Variants in USP14 observed in about 807,000 individuals in gnomAD.
The protein encoded by USP14 is ubiquitin specific peptidase 14, also known as ubiquitin carboxyl-terminal hydrolase 14.
In USP14, 38 loss-of-function variants were observed where a neutral mutation model predicts 76.5. That is an observed-to-expected ratio of 0.50 (90% CI 0.38 to 0.65). The LOEUF is 0.65. Ranked by LOEUF, USP14 falls within the 30% of genes least tolerant of loss-of-function variation. USP14 has a pLI of 0.00. For synonymous variants in USP14, 192 were observed against 191.7 expected (o/e 1.00, Z -0.01); for missense variants, 467 against 586.5 (o/e 0.80, Z 2.10).
Position 166,896 on chromosome 18 carries a change from T to C in USP14, c.195+77T>C. 4 of 1,342,554 alleles carry C rather than the reference T, an allele frequency of 3.0e-6. No homozygotes were observed. In the South Asian group the frequency reaches 5.1e-5, roughly 17 times the overall value. The allele number at this position is 1,342,554 out of a possible 1,614,324, so 83.2% of individuals were successfully genotyped here. On this transcript the variant is annotated intron_variant, in intron 3 of 15. Transcript: ENST00000261601. ...ACCAAAATACATTCCAGATGACTTT[T>C]TTTCATGTGTATATCCAGTTGTTCC... is the stretch of plus-strand genomic sequence containing the variant.
At position 213,277 on chromosome 18, in the gene USP14, A is replaced by T. The variant is rs984918538; in HGVS notation, c.*1993A>T. ...TTGTAGCTACTAGACCAGGTGAGCTAGGTTTAGAGCAAAGTATATAAGCCT... is the reference window on the plus strand; with the variant it reads ...TTGTAGCTACTAGACCAGGTGAGCTTGGTTTAGAGCAAAGTATATAAGCCT... On this transcript the variant is annotated 3_prime_UTR_variant, in exon 16 of 16. Transcript: ENST00000261601. 6.6e-5 allele frequency: 10 copies of T among 152,238 alleles called. No individual in the cohort carries two copies. The highest frequency in any genetic ancestry group is 1.5e-4 in the Non-Finnish European group (10 of 68,046). The allele number at this position is 152,238 out of a possible 1,614,324, so 9.4% of individuals were successfully genotyped here.
intron 6 of USP14, 192 bp from the exon 7 acceptor site, chr18:196,445 A>G: frequency 4.8e-6 from 2 of 416,446 alleles, no homozygotes; most frequent in Non-Finnish European, 8.3e-6. Context: ...AATTGCTTGA[A>G]CCCAGAAGGC....
chr18:158,870 C>G, intron 1 of USP14, 156 bp downstream of exon 1: 3 of 1,165,526 alleles, frequency 2.6e-6, no homozygotes, highest in Non-Finnish European at 3.2e-6. Context: ...GCACCGTCCC[C>G]TCTCCCGGCT....
At chr18:177,982 A>T (rs1442941170) in intron 3 of USP14, among the ~76,000 whole-genome samples, 1 of 151,902 alleles carries the variant, frequency 6.6e-6, no homozygotes, top group Non-Finnish European at 1.5e-5. Flanking sequence ...CACAATAGAC[A>T]TTCACAGAAA....
At chr18:192,161 A>C (rs1180026153) in intron 5 of USP14, among the ~76,000 whole-genome samples, 1 of 152,184 alleles carries the variant, frequency 6.6e-6, no homozygotes, top group Non-Finnish European at 1.5e-5. Context: ...ATGATTTTTG[A>C]TTGAATGTTT....
At chr18:188,254 G>T (rs1217567198) in intron 5 of USP14, among the ~76,000 whole-genome samples, 1 of 151,968 alleles carries the variant, frequency 6.6e-6, no homozygotes, top group Non-Finnish European at 1.5e-5. Context: ...TTGTTTACTG[G>T]AGGTTTTTTA....
chr18:211,184 A>G lies in USP14; in HGVS notation c.1385A>G (p.Asp462Gly), dbSNP rs1910659980. The change falls in exon 16 of 16, where the codon GAT (aspartate) becomes GGT (glycine). Residue 462 changes from aspartate to glycine, a missense_variant. By Grantham distance (94) the Asp-to-Gly change is moderately conservative. Transcript: ENST00000261601. ...DDKVSIVTPE[D>G]ILRLSGGGDW... The stretch of plus-strand genomic sequence containing the variant: ...AAAGTCAGCATCGTAACACCAGAAG[A>G]TATCTTACGGCTTTCTGGTGGTGGA... The G allele has an allele frequency of 6.2e-7, 1 of 1,614,012 alleles. No homozygotes were observed. Among genetic ancestry groups the G allele is most frequent in the Non-Finnish European group, 8.5e-7 (1 of 1,179,914 alleles).
chr18:210,097 T>C, intron 14 of USP14, 66 bp downstream of exon 14: 1 of 1,258,902 alleles, frequency 7.9e-7, no homozygotes, highest in Non-Finnish European at 1.1e-6. Context: ...AATTTACATC[T>C]TACCCCATAT....
At chr18:171,834 G>C (rs1909473036) in intron 3 of USP14, among the ~76,000 whole-genome samples, 1 of 152,236 alleles carries the variant, frequency 6.6e-6, no homozygotes, top group South Asian at 2.1e-4. Context: ...AATGAAGTCA[G>C]TATTTACCAG....
rs748309092 is a variant in USP14, at chr18:198,031, A to AT, written c.676-12dup. 3.1e-6 allele frequency: 5 copies of AT among 1,594,948 alleles called. No individual in the cohort carries two copies. The South Asian group carries it at 5.7e-5, about 18-fold the overall frequency. On this transcript the variant is annotated splice_polypyrimidine_tract_variant and intron_variant, in intron 8 of 15. Transcript: ENST00000261601. ...ATATTTATATAAAGTTGGAATTTTT[A>AT]TTTTAATTTTTGCAGACAGACTCCT...
chr18:178,128 C>T (rs115280969), intron 3 of USP14, among the ~76,000 whole-genome samples: 2,339 of 152,180 alleles, frequency 0.015, 71 homozygotes, highest in African/African-American at 0.054. Flanking sequence ...TCCAGTGATC[C>T]TCCCATTTTA....
At chr18:189,506 A>G (rs1910028040) in intron 5 of USP14, among the ~76,000 whole-genome samples, 1 of 151,708 alleles carries the variant, frequency 6.6e-6, no homozygotes, top group South Asian at 2.1e-4. Context: ...TTTTTTGAGA[A>G]GGAGTCTCAC....
intron 5 of USP14, among the ~76,000 whole-genome samples, chr18:186,210 C>A (rs477718): frequency 0.17 from 25,454 of 152,072 alleles, 2,419 homozygotes; most frequent in Non-Finnish European, 0.23. Flanking sequence ...GCCTGTGATC[C>A]CAGTGCTTTG....
chr18:208,850 A>G (rs1000124573), intron 13 of USP14, among the ~76,000 whole-genome samples: 2 of 152,096 alleles, frequency 1.3e-5, no homozygotes, highest in African/African-American at 2.4e-5. Flanking sequence ...GGTTCAAGCA[A>G]TTCTCATGCC....
chr18:197,531 G>C, intron 7 of USP14, 85 bp from the exon 8 acceptor site: 1 of 1,060,662 alleles, frequency 9.4e-7, no homozygotes. Flanking sequence ...CCACTTTCTT[G>C]CCTAGGAGAC....
At chr18:205,462 T>A (rs139573097) in intron 13 of USP14, among the ~76,000 whole-genome samples, 2,363 of 152,248 alleles carry the variant, frequency 0.016, 29 homozygotes, top group Middle Eastern at 0.041. Context: ...ACCCGTTCAT[T>A]TCTATAATTT....
At chr18:191,743 C>G (rs895530110) in intron 5 of USP14, among the ~76,000 whole-genome samples, 1 of 152,162 alleles carries the variant, frequency 6.6e-6, no homozygotes, top group African/African-American at 2.4e-5. Context: ...CTGACTAGAT[C>G]AGTAATTCTG....
chr18:161,506 G>A (rs1272483540), intron 1 of USP14, among the ~76,000 whole-genome samples: 1 of 152,100 alleles, frequency 6.6e-6, no homozygotes, highest in Non-Finnish European at 1.5e-5. Context: ...CCTCATTTAT[G>A]AAGCATTCCA....
intron 3 of USP14, among the ~76,000 whole-genome samples, chr18:173,837 CT>C (rs1285526544): frequency 1.3e-5 from 2 of 152,152 alleles, no homozygotes; most frequent in African/African-American, 4.8e-5. Context: ...CTTTTCCATT[CT>C]TCCTCAGTGC....
Sources: allele counts gnomAD v4.1 joint callset (sites outside exome capture counted in the v4.1 genomes callset), GRCh38; gene constraint gnomAD v4.1.1; transcripts MANE v1.5; gene names NCBI Gene and HGNC (gene_info 2026-07-23, HGNC 2026-07-21).